Variants in HOMER2 observed in about 807,000 individuals in gnomAD.
The protein encoded by HOMER2 is homer scaffold protein 2, also known as homer protein homolog 2.
HOMER2 carries 27 observed loss-of-function variants against 47.0 expected under a neutral mutation model. The ratio of observed to expected loss-of-function variants is 0.57; its 90% CI spans 0.42 to 0.79. HOMER2 has a LOEUF of 0.79. HOMER2 is among the 30% of genes least tolerant of loss of function. The pLI, the probability that HOMER2 is intolerant of heterozygous loss-of-function variation, is 0.00. For synonymous variants in HOMER2, 161 were observed against 163.8 expected (o/e 0.98, Z 0.13); for missense variants, 443 against 435.0 (o/e 1.02, Z -0.16).
At chr15:82,984,372 C>A (rs927242210) in intron 1 of HOMER2, among the ~76,000 whole-genome samples, 1 of 152,180 alleles carries the variant, frequency 6.6e-6, no homozygotes, top group African/African-American at 2.4e-5. Context: ...ACACCTCTTA[C>A]CTTTACTACC....
chr15:82,985,654 C>T (rs1419135379), intron 1 of HOMER2: 1 of 152,188 alleles, frequency 6.6e-6, no homozygotes, highest in Non-Finnish European at 1.5e-5. Flanking sequence ...AGTGTTTATA[C>T]ATTTGCTGAA....
chr15:82,851,877 C>T (rs534829784), intron 7 of HOMER2, among the ~76,000 whole-genome samples: 8 of 152,364 alleles, frequency 5.3e-5, no homozygotes, highest in South Asian at 4.1e-4. Context: ...AGATGACAAA[C>T]GCATCTGAGT....
chr15:82,841,584 T>C (rs2051176688), exon 2 of HOMER2: 1 of 152,038 alleles, frequency 6.6e-6, no homozygotes, highest in South Asian at 2.1e-4. Flanking sequence ...TATGTAAATG[T>C]TTTTTAACAT....
At chr15:82,839,701 T>C (rs2051157344) in exon 2 of HOMER2, 1 of 151,854 alleles carries the variant, frequency 6.6e-6, no homozygotes, top group Non-Finnish European at 1.5e-5. Flanking sequence ...CAGACAGAAA[T>C]ACAATAATAG....
chr15:82,868,421 CTGGAGGG>C (rs930417283), intron 3 of HOMER2, among the ~76,000 whole-genome samples: 25 of 149,832 alleles, frequency 1.7e-4, no homozygotes, highest in South Asian at 8.5e-4. Flanking sequence ...CAGAAGCCTA[CTGGAGGG>C]TGGAGGGTGG....
At chr15:82,858,994 G>A (rs1567017295) in intron 5 of HOMER2, 35 bp downstream of exon 5, 1 of 1,598,490 alleles carries the variant, frequency 6.3e-7, no homozygotes, top group Non-Finnish European at 8.6e-7. Flanking sequence ...GCTGAAGGTG[G>A]AGAAAATAGA....
At chr15:82,896,252 T>C (rs1009150498) in intron 1 of HOMER2, among the ~76,000 whole-genome samples, 27 of 151,938 alleles carry the variant, frequency 1.8e-4, no homozygotes, top group African/African-American at 6.5e-4. Flanking sequence ...CCCTGAGGCC[T>C]ACAGGAGGGA....
intron 2 of HOMER2, among the ~76,000 whole-genome samples, chr15:82,877,614 G>A (rs1054845698): frequency 3.9e-5 from 6 of 152,160 alleles, no homozygotes; most frequent in African/African-American, 1.4e-4. Flanking sequence ...TTTTATACAC[G>A]ATGAAGGAAA....
At chr15:82,907,316 C>CA (rs1385226744) in intron 1 of HOMER2, among the ~76,000 whole-genome samples, 1 of 151,560 alleles carries the variant, frequency 6.6e-6, no homozygotes, top group African/African-American at 2.4e-5. Context: ...AAGACTGTGC[C>CA]ACTGCACTCC....
At chr15:82,980,017 G>T (rs887058301) in intron 1 of HOMER2, among the ~76,000 whole-genome samples, 1 of 152,120 alleles carries the variant, frequency 6.6e-6, no homozygotes, top group South Asian at 2.1e-4. Context: ...AGGTTATGGG[G>T]ATACCAACTT....
intron 1 of HOMER2, among the ~76,000 whole-genome samples, chr15:82,905,441 G>T (rs1286125092): frequency 6.6e-6 from 1 of 152,096 alleles, no homozygotes; most frequent in Non-Finnish European, 1.5e-5. Flanking sequence ...ATTAATGTCA[G>T]ACACCAAACC....
upstream of HOMER2, among the ~76,000 whole-genome samples, chr15:82,956,004 C>G (rs2054584271): frequency 6.6e-6 from 1 of 151,988 alleles, no homozygotes; most frequent in Admixed American, 6.6e-5. Context: ...CTTTGGGAGG[C>G]CAAGGCAGGC....
At chr15:82,908,747 TAAA>T (rs145654945) in intron 1 of HOMER2, among the ~76,000 whole-genome samples, 1 of 148,498 alleles carries the variant, frequency 6.7e-6, no homozygotes. Flanking sequence ...GCTTTTTTTT[TAAA>T]AAAAAAAAAA....
chr15:82,928,413 T>G (rs2053912279), intron 1 of HOMER2, among the ~76,000 whole-genome samples: 1 of 152,144 alleles, frequency 6.6e-6, no homozygotes, highest in Non-Finnish European at 1.5e-5. Context: ...CCAAGAACAG[T>G]TCCAAAGACT....
At chr15:82,912,635 ACT>A (rs1337725703) in intron 1 of HOMER2, among the ~76,000 whole-genome samples, 1 of 152,126 alleles carries the variant, frequency 6.6e-6, no homozygotes, top group Non-Finnish European at 1.5e-5. Context: ...TCATAGGATA[ACT>A]CTATGTTTAG....
chr15:82,915,047 C>T (rs2053548996), intron 1 of HOMER2, among the ~76,000 whole-genome samples: 2 of 151,828 alleles, frequency 1.3e-5, no homozygotes, highest in Admixed American at 1.3e-4. Context: ...ATGGTGTGTG[C>T]CTGTAGTCCC....
Position 82,952,624 on chromosome 15 carries a change from G to A in HOMER2, c.-89C>T. ...CAGCCGCTCCCCGCGCGGCACATGC[G>A]GCGGCCCGTGCGCGCCCGGCTCAGC... On this transcript the variant is annotated 5_prime_UTR_variant, in exon 1 of 9. Transcript: ENST00000450735. 3 of 1,050,440 alleles carry A rather than the reference G, an allele frequency of 2.9e-6. No homozygotes were observed. Among genetic ancestry groups the A allele is most frequent in the Middle Eastern group, 4.4e-4 (1 of 2,254 alleles). 65.1% of individuals were successfully genotyped at this position (1,050,440 alleles called of 1,614,324 possible). A position where few individuals can be genotyped will look rare whatever the true frequency, so the allele number is the denominator to read the frequency against.
At chr15:82,911,144 C>A (rs754858683) in intron 1 of HOMER2, among the ~76,000 whole-genome samples, 11 of 152,158 alleles carry the variant, frequency 7.2e-5, no homozygotes, top group Admixed American at 2.0e-4. Context: ...GACAGCTCAA[C>A]CCTCCCATAG....
At chr15:82,952,032 T>A in intron 1 of HOMER2, 1 of 984,240 alleles carries the variant, frequency 1.0e-6, no homozygotes, top group Non-Finnish European at 1.2e-6. Flanking sequence ...TAGACTTCCA[T>A]CATCTTCAGC....
Sources: gnomAD v4.1 joint callset for allele counts (sites outside exome capture counted in the v4.1 genomes callset) on GRCh38, gnomAD v4.1.1 for gene constraint, MANE v1.5 for transcripts, NCBI Gene and HGNC (gene_info 2026-07-23, HGNC 2026-07-21) for gene names.